ALK: variants seen among roughly 807,000 people sequenced by gnomAD.
ALK encodes the protein ALK tyrosine kinase receptor.
A neutral mutation model predicts 163.1 loss-of-function variants in ALK; 74 were observed. That is an observed-to-expected ratio of 0.45 (90% CI 0.38 to 0.55). ALK has a LOEUF of 0.55. Ranked by LOEUF, ALK falls within the 20% of genes least tolerant of loss-of-function variation. The probability of loss-of-function intolerance (pLI) is 0.00; values close to 1 mark genes in which losing one functional copy is unlikely to be tolerated. For missense variants in ALK, 2,063 were observed against 2,105.3 expected (o/e 0.98, Z 0.39); for synonymous variants, 960 against 843.2 (o/e 1.14, Z -2.40).
At chr2:29,284,309 T>C (rs1263208918) in intron 9 of ALK, among the ~76,000 whole-genome samples, 3 of 151,932 alleles carry the variant, frequency 2.0e-5, no homozygotes, top group Non-Finnish European at 2.9e-5. Context: ...ATTGATGAGG[T>C]TCCTGGCGCG....
At chr2:29,497,872 G>C (rs1672070856) in intron 4 of ALK, among the ~76,000 whole-genome samples, 2 of 151,892 alleles carry the variant, frequency 1.3e-5, no homozygotes, top group Admixed American at 1.3e-4. Context: ...TTGCTCTCCT[G>C]GTCCAAAAAG....
At chr2:29,641,800 A>G (rs1341040796) in intron 3 of ALK, among the ~76,000 whole-genome samples, 1 of 152,210 alleles carries the variant, frequency 6.6e-6, no homozygotes, top group Non-Finnish European at 1.5e-5. Flanking sequence ...AGCAAAATGT[A>G]TAAGGGTTAT....
intron 20 of ALK, 68 bp downstream of exon 20, chr2:29,223,274 G>T (rs1050893270): frequency 6.4e-7 from 1 of 1,559,940 alleles, no homozygotes; most frequent in Non-Finnish European, 8.8e-7. Flanking sequence ...AGGAGTCTGC[G>T]GTGCTGTGAT....
At chr2:29,420,699 C>T (rs577464421) in intron 4 of ALK, among the ~76,000 whole-genome samples, 17 of 151,530 alleles carry the variant, frequency 1.1e-4, no homozygotes, top group Non-Finnish European at 2.5e-4. Flanking sequence ...CAGAGTGGAT[C>T]GTATGCAGAG....
At chr2:29,581,839 A>T (rs1482345895) in intron 3 of ALK, among the ~76,000 whole-genome samples, 2 of 152,160 alleles carry the variant, frequency 1.3e-5, no homozygotes, top group Non-Finnish European at 2.9e-5. Context: ...TTGCTCAGTG[A>T]TGGCTTAAAT....
intron 9 of ALK, among the ~76,000 whole-genome samples, chr2:29,295,646 T>C (rs1666151987): frequency 6.6e-6 from 1 of 152,338 alleles, no homozygotes; most frequent in East Asian, 1.9e-4. Flanking sequence ...TATGAGCTCT[T>C]GGACATAGCA....
chr2:29,524,302 G>T (rs1011826828), intron 4 of ALK, among the ~76,000 whole-genome samples: 2 of 152,224 alleles, frequency 1.3e-5, no homozygotes, highest in African/African-American at 4.8e-5. Flanking sequence ...GCCAGAATTA[G>T]ATGACCAAAT....
chr2:29,644,809 A>G lies in ALK; in HGVS notation c.952+50041T>C, dbSNP rs184254903. On this transcript the variant is annotated intron_variant, in intron 3 of 28. Transcript: ENST00000389048. ...GGTAAGTTTTAAAAACAATTCATGC[A>G]TGGATCATTCCTTAAATAGAAATTT... Among the ~76,000 whole-genome samples the G allele has an allele frequency of 5.1e-3, 778 of 152,338 alleles. 13 individuals carry two copies. The highest frequency in any genetic ancestry group is 0.017 in the African/African-American group (716 of 41,574).
chr2:29,909,868 G>A (rs1045763031), intron 1 of ALK, among the ~76,000 whole-genome samples: 2 of 150,148 alleles, frequency 1.3e-5, no homozygotes, highest in African/African-American at 4.9e-5. Flanking sequence ...ATCCTTGAAA[G>A]TATAAAATTG....
chr2:29,536,195 T>C (rs1673251281), intron 3 of ALK, among the ~76,000 whole-genome samples: 2 of 152,306 alleles, frequency 1.3e-5, no homozygotes, highest in South Asian at 4.2e-4. Context: ...CCTCCAAATC[T>C]CATGTTCAAA....
chr2:29,676,927 G>A (rs188306290), intron 3 of ALK, among the ~76,000 whole-genome samples: 10 of 151,742 alleles, frequency 6.6e-5, no homozygotes, highest in African/African-American at 2.4e-4. Context: ...TTCCCTTTTG[G>A]AAATTGTTGT....
At chr2:29,721,895 T>C (rs1318136051) in intron 1 of ALK, among the ~76,000 whole-genome samples, 2 of 152,272 alleles carry the variant, frequency 1.3e-5, no homozygotes, top group Non-Finnish European at 2.9e-5. Context: ...TCTTTGCTCC[T>C]GTCTCCACCT....
chr2:29,809,818 G>A (rs1322375225), intron 1 of ALK, among the ~76,000 whole-genome samples: 1 of 152,222 alleles, frequency 6.6e-6, no homozygotes, highest in Non-Finnish European at 1.5e-5. Flanking sequence ...GGTTTGTGAA[G>A]AGCACAGGGA....
At chr2:29,820,838 G>A (rs1375807026) in intron 1 of ALK, among the ~76,000 whole-genome samples, 1 of 152,218 alleles carries the variant, frequency 6.6e-6, no homozygotes, top group South Asian at 2.1e-4. Context: ...GGGACTCAGA[G>A]AGCTGGAGCT....
At chr2:29,494,599 C>T (rs1341658285) in intron 4 of ALK, among the ~76,000 whole-genome samples, 2 of 152,144 alleles carry the variant, frequency 1.3e-5, no homozygotes, top group Non-Finnish European at 2.9e-5. Flanking sequence ...GCATGTCCAG[C>T]CCCTCTGCAG....
intron 9 of ALK, among the ~76,000 whole-genome samples, chr2:29,281,535 A>G (rs1268849053): frequency 2.6e-5 from 4 of 152,124 alleles, no homozygotes; most frequent in African/African-American, 9.7e-5. Flanking sequence ...CAAAGAGGAC[A>G]CTTTTGATTG....
At chr2:29,561,830 G>T (rs765690442) in intron 3 of ALK, among the ~76,000 whole-genome samples, 3 of 152,156 alleles carry the variant, frequency 2.0e-5, no homozygotes, top group Non-Finnish European at 2.9e-5. Flanking sequence ...GGCCGGGCAT[G>T]GGGGGTAGTG....
intron 4 of ALK, among the ~76,000 whole-genome samples, chr2:29,529,011 T>C (rs1673041142): frequency 6.6e-6 from 1 of 152,176 alleles, no homozygotes; most frequent in African/African-American, 2.4e-5. Context: ...CTGTGATTCA[T>C]TAGACCTCAT....
Position 29,646,463 on chromosome 2 carries a change from T to C in ALK, c.952+48387A>G, listed in dbSNP as rs1187621004. ...CTTTTAAAACTTGCATTAGAACATGTTTTCCCTTTGCTCCAAACCCTCCAA... is the reference window on the plus strand; with the variant it reads ...CTTTTAAAACTTGCATTAGAACATGCTTTCCCTTTGCTCCAAACCCTCCAA... On this transcript the variant is annotated intron_variant, in intron 3 of 28. Transcript: ENST00000389048. Among the ~76,000 whole-genome samples, 4 of 152,278 alleles carry C rather than the reference T, an allele frequency of 2.6e-5. No homozygotes were observed. The East Asian group carries it at 7.7e-4, about 29-fold the overall frequency.
Sources: allele counts gnomAD v4.1 joint callset (sites outside exome capture counted in the v4.1 genomes callset), GRCh38; gene constraint gnomAD v4.1.1; transcripts MANE v1.5; gene names NCBI Gene and HGNC (gene_info 2026-07-23, HGNC 2026-07-21).